Variants in ADAMTSL1 observed in about 807,000 individuals in gnomAD.
ADAMTSL1 encodes the protein ADAMTS-like protein 1.
ADAMTSL1 carries 126 observed loss-of-function variants against 201.8 expected under a neutral mutation model. The ratio of observed to expected loss-of-function variants is 0.62; its 90% confidence interval spans 0.54 to 0.72. ADAMTSL1 has a LOEUF of 0.72. Among genes scored for constraint, ADAMTSL1 ranks in the 30% least tolerant of loss-of-function variants. The probability of loss-of-function intolerance (pLI) is 0.00; values close to 1 mark genes in which losing one functional copy is unlikely to be tolerated. For missense variants in ADAMTSL1, 2,679 were observed against 2,277.8 expected (o/e 1.18, Z -3.59); for synonymous variants, 1,121 against 903.4 (o/e 1.24, Z -4.32).
At chr9:18,644,691 T>C (rs1049681620) in intron 7 of ADAMTSL1, among the ~76,000 whole-genome samples, 14 of 152,116 alleles carry the variant, frequency 9.2e-5, no homozygotes, top group Non-Finnish European at 1.3e-4. Flanking sequence ...TCCAATTTCA[T>C]CCATGTCCCT....
chr9:18,057,356 A>G (rs576084242), intron 1 of ADAMTSL1, among the ~76,000 whole-genome samples: 1 of 152,310 alleles, frequency 6.6e-6, no homozygotes, highest in South Asian at 2.1e-4. Flanking sequence ...ATGGGATGCT[A>G]AAGAATGATT....
chr9:18,834,226 T>A (rs576912527), intron 23 of ADAMTSL1, among the ~76,000 whole-genome samples: 343 of 152,270 alleles, frequency 2.3e-3, no homozygotes, highest in African/African-American at 7.7e-3. Context: ...CTGTGAAAAA[T>A]GTCGTTGATA....
intron 2 of ADAMTSL1, among the ~76,000 whole-genome samples, chr9:18,203,826 A>T (rs1485229370): frequency 6.6e-6 from 1 of 152,140 alleles, no homozygotes; most frequent in Non-Finnish European, 1.5e-5. Context: ...CTTCACACAT[A>T]AACACCGTCA....
intron 1 of ADAMTSL1, among the ~76,000 whole-genome samples, chr9:17,941,225 CT>C (rs1827225954): frequency 6.6e-6 from 1 of 151,984 alleles, no homozygotes; most frequent in South Asian, 2.1e-4. Context: ...GATATTGTGT[CT>C]TGAAAATCTT....
intron 18 of ADAMTSL1, among the ~76,000 whole-genome samples, chr9:18,776,135 G>T (rs538276827): frequency 1.3e-5 from 2 of 151,654 alleles, no homozygotes; most frequent in Admixed American, 6.6e-5. Flanking sequence ...GTAGAGCAAA[G>T]TTCACTTGCT....
At chr9:18,894,287 C>T (rs201994369) in intron 26 of ADAMTSL1, among the ~76,000 whole-genome samples, 59 of 149,970 alleles carry the variant, frequency 3.9e-4, no homozygotes, top group East Asian at 3.9e-3. Flanking sequence ...GAAGCTGCAA[C>T]GAGCTGTGAT....
chr9:18,039,980 G>C (rs1821366159), intron 1 of ADAMTSL1, among the ~76,000 whole-genome samples: 1 of 152,146 alleles, frequency 6.6e-6, no homozygotes, highest in South Asian at 2.1e-4. Flanking sequence ...AAACATATAT[G>C]CAAAGGATAG....
chr9:18,672,285 G>T (rs542056201), intron 9 of ADAMTSL1, among the ~76,000 whole-genome samples: 1 of 151,904 alleles, frequency 6.6e-6, no homozygotes, highest in African/African-American at 2.4e-5. Flanking sequence ...GGAATTTGAG[G>T]TGATGGCCTC....
intron 2 of ADAMTSL1, among the ~76,000 whole-genome samples, chr9:18,348,847 TGTGTATTATTACA>T (rs1357338972): frequency 1.3e-5 from 2 of 152,174 alleles, no homozygotes; most frequent in Non-Finnish European, 2.9e-5. Flanking sequence ...TGATATAAAA[TGTGTATTATTACA>T]GTGATATAAA....
chr9:18,010,670 A>G (rs1820014043), intron 1 of ADAMTSL1, among the ~76,000 whole-genome samples: 2 of 151,956 alleles, frequency 1.3e-5, no homozygotes, highest in African/African-American at 2.4e-5. Context: ...ACACAACCCT[A>G]AGAGAGTGGG....
At chr9:18,865,490 T>A (rs76522385) in intron 23 of ADAMTSL1, among the ~76,000 whole-genome samples, 2 of 152,166 alleles carry the variant, frequency 1.3e-5, no homozygotes, top group East Asian at 1.9e-4. Flanking sequence ...GAATAGTGCC[T>A]CAATAAACAT....
intron 2 of ADAMTSL1, among the ~76,000 whole-genome samples, chr9:18,237,457 T>C (rs1425730380): frequency 1.3e-5 from 2 of 152,250 alleles, no homozygotes; most frequent in African/African-American, 4.8e-5. Context: ...GTTTACCTTG[T>C]TGCTTTTGGC....
intron 16 of ADAMTSL1, among the ~76,000 whole-genome samples, chr9:18,762,744 C>T (rs1820146241): frequency 6.6e-6 from 1 of 151,812 alleles, no homozygotes; most frequent in Admixed American, 6.6e-5. Context: ...TAAGTGAGAA[C>T]ATGTGATGTT....
At chr9:18,412,559 C>A (rs950521033) in intron 2 of ADAMTSL1, among the ~76,000 whole-genome samples, 1 of 152,108 alleles carries the variant, frequency 6.6e-6, no homozygotes, top group South Asian at 2.1e-4. Flanking sequence ...CTTTATTTGT[C>A]AACTTTCAGA....
rs543497470 is a variant in ADAMTSL1 at position 18,561,383 on chromosome 9, T to G, written c.238-12647T>G. On this transcript the variant is annotated intron_variant, in intron 3 of 28. Transcript: ENST00000380548. ...ATCTTAAGTTCTAATTTGATTGCACTGTGGTCTGAGAGACTGTTAAGATTT... is the reference window on the plus strand; with the variant it reads ...ATCTTAAGTTCTAATTTGATTGCACGGTGGTCTGAGAGACTGTTAAGATTT... Among the ~76,000 whole-genome samples, 669 of 152,354 alleles carry G rather than the reference T, an allele frequency of 4.4e-3. 6 individuals are homozygous for G. The highest frequency in any genetic ancestry group is 0.014 in the Middle Eastern group (4 of 294).
chr9:18,758,923 T>TA (rs1288489772), intron 16 of ADAMTSL1, among the ~76,000 whole-genome samples: 1 of 152,192 alleles, frequency 6.6e-6, no homozygotes, highest in Middle Eastern at 3.2e-3. Context: ...CTATATCTAA[T>TA]ATATCAATGT....
At chr9:18,612,515 T>A (rs1825443560) in intron 4 of ADAMTSL1, among the ~76,000 whole-genome samples, 1 of 152,144 alleles carries the variant, frequency 6.6e-6, no homozygotes, top group Non-Finnish European at 1.5e-5. Context: ...CATCCAAATA[T>A]CATTGAAATA....
intron 2 of ADAMTSL1, among the ~76,000 whole-genome samples, chr9:18,507,172 A>G (rs1470567888): frequency 6.6e-6 from 1 of 152,176 alleles, no homozygotes; most frequent in Non-Finnish European, 1.5e-5. Flanking sequence ...ATTAATTCTG[A>G]TCCTTGTAAG....
chr9:17,961,391 G>A (rs1027046394), intron 1 of ADAMTSL1, among the ~76,000 whole-genome samples: 4 of 152,076 alleles, frequency 2.6e-5, no homozygotes, highest in South Asian at 4.1e-4. Context: ...TGGGATTACA[G>A]GCATGTGCCA....
Sources: gnomAD v4.1 joint callset for allele counts (sites outside exome capture counted in the v4.1 genomes callset) on GRCh38, gnomAD v4.1.1 for gene constraint, MANE v1.5 for transcripts, NCBI Gene and HGNC (gene_info 2026-07-23, HGNC 2026-07-21) for gene names.